NFIA: variants seen among roughly 807,000 people sequenced by gnomAD.
NFIA encodes nuclear factor 1 A-type.
A neutral mutation model predicts 62.8 loss-of-function variants in NFIA; 8 were observed. That is an observed-to-expected ratio of 0.13 (90% CI 0.07 to 0.23). The LOEUF is 0.23. NFIA is among the 10% of genes least tolerant of loss of function. The pLI is 1.00. For missense variants in NFIA, 410 were observed against 642.1 expected (o/e 0.64, Z 3.91); for synonymous variants, 235 against 238.1 (o/e 0.99, Z 0.12).
chr1:61,404,396 G>T (rs1173760928), intron 8 of NFIA, 114 bp downstream of exon 8: 2 of 1,033,028 alleles, frequency 1.9e-6, no homozygotes, highest in East Asian at 2.6e-5. Context: ...CTGACTGACT[G>T]CAGGCAAATG....
chr1:61,260,279 C>G (rs962134080), intron 2 of NFIA, among the ~76,000 whole-genome samples: 2 of 152,202 alleles, frequency 1.3e-5, no homozygotes, highest in African/African-American at 4.8e-5. Context: ...TCTTAAGGAA[C>G]GTTCATGCAG....
chr1:61,355,332 T>C (rs1049969536), intron 5 of NFIA, among the ~76,000 whole-genome samples: 1 of 152,136 alleles, frequency 6.6e-6, no homozygotes, highest in Non-Finnish European at 1.5e-5. Context: ...GATAGGTAGG[T>C]AGATAATGTG....
chr1:61,307,952 G>A (rs1307602857), intron 3 of NFIA, among the ~76,000 whole-genome samples: 1 of 152,190 alleles, frequency 6.6e-6, no homozygotes, highest in Non-Finnish European at 1.5e-5. Context: ...CTGCTCCCCA[G>A]AGGACTAAGA....
In NFIA at chr1:61,317,679, G is replaced by C. The variant is rs145227628; in HGVS notation, c.626-14833G>C. 2.6e-3 allele frequency among the ~76,000 whole-genome samples: 388 copies of C among 151,848 alleles called. 4 individuals are homozygous for C. The highest frequency in any genetic ancestry group is 9.1e-3 in the African/African-American group (377 of 41,448). ...CATTATCTACATTTTGATTTTTATA[G>C]ACAACTTTTATAAGAATACTTGCAT... On this transcript the variant is annotated intron_variant, in intron 3 of 10. Transcript: ENST00000403491.
At chr1:61,256,434 TAAAAAAAAAAA>T (rs5774549) in intron 2 of NFIA, among the ~76,000 whole-genome samples, 2 of 102,008 alleles carry the variant, frequency 2.0e-5, no homozygotes, top group East Asian at 2.9e-4. Flanking sequence ...AGACTCCATC[TAAAAAAAAAAA>T]AAAAAAAAAA....
chr1:61,400,713 T>A (rs1665517911), intron 7 of NFIA, among the ~76,000 whole-genome samples: 1 of 152,186 alleles, frequency 6.6e-6, no homozygotes, highest in South Asian at 2.1e-4. Flanking sequence ...CTTCGTGCAT[T>A]CCATTAGCAT....
chr1:61,357,639 T>C (rs1451090475), intron 5 of NFIA, among the ~76,000 whole-genome samples: 1 of 152,164 alleles, frequency 6.6e-6, no homozygotes, highest in African/African-American at 2.4e-5. Context: ...ACCCTGTGTG[T>C]GGTTCCATCA....
intron 2 of NFIA, among the ~76,000 whole-genome samples, chr1:61,138,802 G>A (rs1570244700): frequency 2.0e-5 from 3 of 151,690 alleles, no homozygotes; most frequent in South Asian, 2.1e-4. Context: ...TGCTGGTCTC[G>A]AACTCCTGGC....
At chr1:61,386,190 G>A (rs545169224) in intron 7 of NFIA, among the ~76,000 whole-genome samples, 1 of 152,198 alleles carries the variant, frequency 6.6e-6, no homozygotes, top group South Asian at 2.1e-4. Flanking sequence ...TTGGGAGTAA[G>A]ACGTGGTGTT....
rs1667659157 is a variant in NFIA, at chr1:61,443,152, C to T, written c.1513-12151C>T. On this transcript the variant is annotated intron_variant, in intron 10 of 10. Coordinates refer to ENST00000403491, the MANE Select transcript of NFIA (RefSeq NM_001134673.4). ...ATTATTGAACATGCAAGAAAAGTGA[C>T]GGCTCAATATTGCACTAGGTTAAGA... Among the ~76,000 whole-genome samples the T allele has an allele frequency of 2.6e-5, 4 of 152,228 alleles. No homozygotes were observed. In the South Asian group the frequency reaches 6.2e-4, roughly 24 times the overall value.
At chr1:61,357,442 G>T (rs1394025312) in intron 5 of NFIA, among the ~76,000 whole-genome samples, 1 of 152,182 alleles carries the variant, frequency 6.6e-6, no homozygotes, top group Non-Finnish European at 1.5e-5. Context: ...TTTGCCCATT[G>T]ATAATATTTT....
At position 61,352,756 on chromosome 1, in the gene NFIA, TACAC is replaced by T. The variant is rs10544967; in HGVS notation, c.818+214_818+217del. 0.046 allele frequency among the ~76,000 whole-genome samples: 6,892 copies of T among 150,456 alleles called. 198 individuals are homozygous for T. Among genetic ancestry groups the T allele is most frequent in the Admixed American group, 0.094 (1,409 of 15,068 alleles). On this transcript the variant is annotated intron_variant, in intron 5 of 10. Transcript: ENST00000403491. ...CAAATATGCATGTGGCAAGATTAAA[TACAC>T]ACACACACACACACACACACACACG... is the stretch of plus-strand genomic sequence containing the variant.
intron 3 of NFIA, among the ~76,000 whole-genome samples, chr1:61,312,606 A>G (rs1261638917): frequency 1.3e-5 from 2 of 151,806 alleles, no homozygotes; most frequent in African/African-American, 2.4e-5. Flanking sequence ...TCAACTTCCC[A>G]GGCTCAGGTG....
chr1:61,117,676 C>T (rs777674080), intron 2 of NFIA, among the ~76,000 whole-genome samples: 4 of 152,238 alleles, frequency 2.6e-5, no homozygotes, highest in Admixed American at 2.0e-4. Context: ...CACTAATAAT[C>T]GTTGCTTGAT....
At chr1:61,150,782 A>C (rs950856692) in intron 2 of NFIA, among the ~76,000 whole-genome samples, 1 of 152,166 alleles carries the variant, frequency 6.6e-6, no homozygotes, top group Non-Finnish European at 1.5e-5. Flanking sequence ...AACAGTATTG[A>C]ACAGTTAGAC....
chr1:61,082,072 TG>T, upstream of NFIA: 4 of 1,441,228 alleles, frequency 2.8e-6, no homozygotes, highest in Non-Finnish European at 2.8e-6. Context: ...GCAGCGGGGG[TG>T]GGGGGATGGG....
intron 6 of NFIA, among the ~76,000 whole-genome samples, chr1:61,363,496 C>T (rs1663411813): frequency 2.0e-5 from 3 of 151,690 alleles, no homozygotes; most frequent in African/African-American, 7.3e-5. Flanking sequence ...CCCAGCTACT[C>T]GGGAGGCTGA....
At chr1:61,340,474 A>T (rs1479774709) in intron 4 of NFIA, among the ~76,000 whole-genome samples, 1 of 152,208 alleles carries the variant, frequency 6.6e-6, no homozygotes, top group Non-Finnish European at 1.5e-5. Context: ...GCAAATGTTT[A>T]TGAAGTCCTA....
intron 3 of NFIA, among the ~76,000 whole-genome samples, chr1:61,289,673 G>T (rs748403514): frequency 6.6e-6 from 1 of 152,134 alleles, no homozygotes; most frequent in African/African-American, 2.4e-5. Context: ...ATGTGTTTTC[G>T]TTGCTGTTTT....
Sources: gnomAD v4.1 joint callset for allele counts (sites outside exome capture counted in the v4.1 genomes callset) on GRCh38, gnomAD v4.1.1 for gene constraint, MANE v1.5 for transcripts, NCBI Gene and HGNC (gene_info 2026-07-23, HGNC 2026-07-21) for gene names.